Variants in FGF14 observed in about 807,000 individuals in gnomAD.
FGF14 encodes fibroblast growth factor 14.
FGF14 carries 5 observed loss-of-function variants against 25.5 expected under a neutral mutation model. The observed-to-expected ratio is 0.20, with a 90% confidence interval of 0.10 to 0.41. FGF14 has a LOEUF of 0.41. Ranked by LOEUF, FGF14 falls within the 10% of genes least tolerant of loss-of-function variation. The pLI is 1.00. For missense variants in FGF14, 222 were observed against 320.1 expected (o/e 0.69, Z 2.34); for synonymous variants, 138 against 118.3 (o/e 1.17, Z -1.08).
intron 1 of FGF14, among the ~76,000 whole-genome samples, chr13:102,387,918 C>T (rs539621422): frequency 2.0e-4 from 31 of 152,160 alleles, no homozygotes; most frequent in South Asian, 6.2e-4. Context: ...TTAGTAAAGA[C>T]GGGGTTTCAC....
chr13:101,750,767 TA>T (rs1329378437), intron 3 of FGF14, among the ~76,000 whole-genome samples: 1 of 152,138 alleles, frequency 6.6e-6, no homozygotes, highest in African/African-American at 2.4e-5. Context: ...GCTTTATTCC[TA>T]ATTGCCAAAA....
intron 1 of FGF14, among the ~76,000 whole-genome samples, chr13:102,301,731 C>G (rs1340235888): frequency 2.6e-5 from 4 of 151,758 alleles, no homozygotes; most frequent in African/African-American, 9.7e-5. Context: ...TCTATGACGA[C>G]TAACCTCAAG....
intron 1 of FGF14, among the ~76,000 whole-genome samples, chr13:101,907,992 G>C (rs2032455216): frequency 6.6e-6 from 1 of 152,128 alleles, no homozygotes; most frequent in Non-Finnish European, 1.5e-5. Flanking sequence ...AGCAGTTGTG[G>C]AGTATGTGAA....
chr13:102,393,572 A>G (rs1375879288), intron 1 of FGF14, among the ~76,000 whole-genome samples: 1 of 152,220 alleles, frequency 6.6e-6, no homozygotes, highest in East Asian at 1.9e-4. Context: ...AAACTAGTGA[A>G]GATACCCTCC....
At chr13:102,142,178 C>A (rs374793062) in intron 1 of FGF14, among the ~76,000 whole-genome samples, 31 of 152,262 alleles carry the variant, frequency 2.0e-4, no homozygotes, top group African/African-American at 7.5e-4. Flanking sequence ...ACCACACTTA[C>A]AATCTTTGGA....
chr13:102,185,798 A>C, intron 1 of FGF14, among the ~76,000 whole-genome samples: 1 of 152,158 alleles, frequency 6.6e-6, no homozygotes, highest in East Asian at 1.9e-4. Flanking sequence ...CAAATCTGTC[A>C]TGTGTGGAGC....
chr13:101,730,805 T>C (rs1467994527), intron 3 of FGF14, among the ~76,000 whole-genome samples: 1 of 152,176 alleles, frequency 6.6e-6, no homozygotes, highest in African/African-American at 2.4e-5. Flanking sequence ...AAAGCTGGCA[T>C]GATCATGGCA....
At chr13:102,303,891 CA>C (rs2055217443) in intron 1 of FGF14, among the ~76,000 whole-genome samples, 1 of 152,142 alleles carries the variant, frequency 6.6e-6, no homozygotes, top group African/African-American at 2.4e-5. Context: ...TTATCAGATT[CA>C]AAAAGCTGTG....
At chr13:101,759,571 T>C (rs546395574) in intron 3 of FGF14, among the ~76,000 whole-genome samples, 19 of 152,282 alleles carry the variant, frequency 1.2e-4, no homozygotes, top group African/African-American at 4.6e-4. Flanking sequence ...GATCCCTAGG[T>C]TGGAAAGACA....
intron 3 of FGF14, among the ~76,000 whole-genome samples, chr13:101,834,700 T>C (rs2042839474): frequency 6.6e-6 from 1 of 151,878 alleles, no homozygotes; most frequent in Admixed American, 6.6e-5. Context: ...GAAAAAAAGG[T>C]TGGGAAACAG....
chr13:101,927,579 G>T (rs1204213081), intron 1 of FGF14, among the ~76,000 whole-genome samples: 1 of 152,184 alleles, frequency 6.6e-6, no homozygotes, highest in African/African-American at 2.4e-5. Flanking sequence ...AGCCCTTGTT[G>T]CCCTGCTGCA....
Position 101,715,535 on chromosome 13 carries a change from C to T in FGF14, c.*7296G>A, listed in dbSNP as rs2034678832. ...AAATTTGGCACATTTTGATCATAAT[C>T]ATGATACCTATATGTATTTTATTGC... is the stretch of plus-strand genomic sequence containing the variant. On this transcript the variant is annotated 3_prime_UTR_variant, in exon 5 of 5. Transcript: ENST00000376143. 3 of 1,486,300 alleles carry T rather than the reference C, an allele frequency of 2.0e-6. No homozygotes were observed. In the East Asian group the frequency reaches 6.8e-5, roughly 34 times the overall value. 92.1% of individuals were successfully genotyped at this position (1,486,300 alleles called of 1,614,324 possible). A position where few individuals can be genotyped will look rare whatever the true frequency, so the allele number is the denominator to read the frequency against.
At chr13:102,394,457 C>G (rs1350344933) in intron 1 of FGF14, 2 of 152,354 alleles carry the variant, frequency 1.3e-5, no homozygotes, top group African/African-American at 2.4e-5. Flanking sequence ...AGCCCTAGCC[C>G]CGACCCGCGC....
At chr13:101,766,514 C>G (rs920731357) in intron 3 of FGF14, among the ~76,000 whole-genome samples, 2 of 152,100 alleles carry the variant, frequency 1.3e-5, no homozygotes, top group African/African-American at 2.4e-5. Context: ...GCAAAATAGA[C>G]ACAGAAGATA....
intron 1 of FGF14, among the ~76,000 whole-genome samples, chr13:102,366,852 T>A (rs1459311571): frequency 6.6e-6 from 1 of 152,152 alleles, no homozygotes; most frequent in Non-Finnish European, 1.5e-5. Flanking sequence ...CATTTTTTAG[T>A]ATAGACCTTC....
chr13:101,920,152 G>C (rs565620188), upstream of FGF14, among the ~76,000 whole-genome samples: 4 of 152,182 alleles, frequency 2.6e-5, no homozygotes, highest in African/African-American at 7.2e-5. Context: ...AAAAGAATGT[G>C]CAAAGCTAGG....
intron 1 of FGF14, among the ~76,000 whole-genome samples, chr13:102,058,911 A>ATTGC (rs1479910308): frequency 4.0e-5 from 6 of 151,232 alleles, no homozygotes; most frequent in African/African-American, 1.5e-4. Flanking sequence ...ATGATATCGA[A>ATTGC]TTGCTCAACA....
intron 3 of FGF14, among the ~76,000 whole-genome samples, chr13:101,747,684 A>G (rs1212311676): frequency 6.6e-6 from 1 of 152,102 alleles, no homozygotes; most frequent in East Asian, 1.9e-4. Flanking sequence ...CTACAGAGGG[A>G]ACAAACCTGT....
At chr13:102,043,715 T>C (rs575430461) in intron 1 of FGF14, among the ~76,000 whole-genome samples, 21 of 152,248 alleles carry the variant, frequency 1.4e-4, no homozygotes, top group Non-Finnish European at 5.9e-5. Context: ...TGAAACTAGA[T>C]TAGGAACTAG....
Sources: allele counts gnomAD v4.1 joint callset (sites outside exome capture counted in the v4.1 genomes callset), GRCh38; gene constraint gnomAD v4.1.1; transcripts MANE v1.5; gene names NCBI Gene and HGNC (gene_info 2026-07-23, HGNC 2026-07-21).